SLC8A1: variants seen among roughly 807,000 people sequenced by gnomAD.
SLC8A1 encodes the protein sodium/calcium exchanger 1.
Under a neutral mutation model 68.3 loss-of-function variants are expected in SLC8A1, and 18 were observed. That is an observed-to-expected ratio of 0.26 (90% CI 0.18 to 0.39). The LOEUF is 0.39. SLC8A1 is among the 10% of genes least tolerant of loss of function. The probability of loss-of-function intolerance (pLI) is 1.00; values close to 1 mark genes in which losing one functional copy is unlikely to be tolerated. For missense variants in SLC8A1, 985 were observed against 1,156.7 expected, an observed-to-expected ratio of 0.85 and a Z score of 2.15; for synonymous variants, 475 against 415.5, an observed-to-expected ratio of 1.14 and a Z score of -1.74.
intron 5 of SLC8A1, among the ~76,000 whole-genome samples, chr2:40,162,257 T>C (rs567070872): frequency 5.5e-4 from 84 of 152,322 alleles, no homozygotes; most frequent in African/African-American, 2.0e-3. Flanking sequence ...CATCCATCTT[T>C]CTTTTCTCAA....
Position 40,344,097 on chromosome 2 carries a change from G to A in SLC8A1, c.1808+84376C>T, listed in dbSNP as rs992247916. Reference sequence around the variant, plus strand: ...GAGAGATGGTCAAGGAAAGCTTCCAGGGAAAATAAGTGAGGCCATAGAGAA... The same window carrying A: ...GAGAGATGGTCAAGGAAAGCTTCCAAGGAAAATAAGTGAGGCCATAGAGAA... On this transcript the variant is annotated intron_variant, in intron 2 of 7. Transcript: ENST00000406785. 2.0e-5 allele frequency among the ~76,000 whole-genome samples: 3 copies of A among 152,136 alleles called. No homozygotes were observed. In the East Asian group the frequency reaches 5.8e-4, roughly 29 times the overall value.
upstream of SLC8A1, among the ~76,000 whole-genome samples, chr2:40,454,684 G>C (rs576613689): frequency 1.4e-4 from 22 of 152,244 alleles, no homozygotes; most frequent in South Asian, 4.6e-3. Flanking sequence ...TTTTGGTTCA[G>C]TCAGTTTCTG....
chr2:40,340,928 A>G (rs1575540520), intron 2 of SLC8A1, among the ~76,000 whole-genome samples: 1 of 152,132 alleles, frequency 6.6e-6, no homozygotes, highest in Non-Finnish European at 1.5e-5. Context: ...TTCCTACACA[A>G]ATATACATTC....
chr2:40,127,905 C>A (rs545418557), intron 7 of SLC8A1, among the ~76,000 whole-genome samples: 4 of 152,100 alleles, frequency 2.6e-5, no homozygotes, highest in Admixed American at 1.3e-4. Context: ...TTATAAAATA[C>A]GGGCACTAAC....
intron 6 of SLC8A1, among the ~76,000 whole-genome samples, chr2:40,156,980 C>T (rs2044653418): frequency 6.6e-6 from 1 of 152,104 alleles, no homozygotes; most frequent in African/African-American, 2.4e-5. Context: ...CTGGTACTGC[C>T]CCTTAACAGT....
chr2:40,323,374 T>C (rs1031917112), intron 2 of SLC8A1, among the ~76,000 whole-genome samples: 2 of 152,310 alleles, frequency 1.3e-5, no homozygotes, highest in Middle Eastern at 6.8e-3. Flanking sequence ...GCAAATAGAA[T>C]TGTCATGTCT....
At chr2:40,192,666 T>C (rs1480126913) in intron 2 of SLC8A1, among the ~76,000 whole-genome samples, 2 of 152,142 alleles carry the variant, frequency 1.3e-5, no homozygotes, top group Non-Finnish European at 2.9e-5. Flanking sequence ...AGGAAACTCT[T>C]AGAAGATTAT....
intron 2 of SLC8A1, chr2:40,189,816 A>G (rs1388960824): frequency 6.6e-6 from 1 of 152,128 alleles, no homozygotes; most frequent in Non-Finnish European, 1.5e-5. Flanking sequence ...GCTCTTTTAG[A>G]GGCCAAAGTT....
chr2:40,246,520 C>T (rs2061886378), intron 2 of SLC8A1, among the ~76,000 whole-genome samples: 1 of 152,162 alleles, frequency 6.6e-6, no homozygotes, highest in Non-Finnish European at 1.5e-5. Flanking sequence ...AGCAGCTTAG[C>T]CAAACACTGT....
chr2:40,192,401 A>G (rs1449509113), intron 2 of SLC8A1, among the ~76,000 whole-genome samples: 1 of 152,136 alleles, frequency 6.6e-6, no homozygotes, highest in East Asian at 1.9e-4. Flanking sequence ...GCCTTTCAAA[A>G]TTGTAGCAGC....
exon 8 of SLC8A1, chr2:40,100,126 G>A (rs2033809380): frequency 6.6e-6 from 1 of 152,072 alleles, no homozygotes; most frequent in Non-Finnish European, 1.5e-5. Context: ...CACCACAAAG[G>A]ACACTGAAAG....
chr2:40,259,259 C>T (rs192496562), intron 2 of SLC8A1, among the ~76,000 whole-genome samples: 4 of 152,222 alleles, frequency 2.6e-5, no homozygotes, highest in Admixed American at 2.6e-4. Context: ...ATAATAGAAG[C>T]CTTCCATTAC....
At chr2:40,478,963 G>C (rs1704463579) in intron 1 of SLC8A1, among the ~76,000 whole-genome samples, 1 of 151,734 alleles carries the variant, frequency 6.6e-6, no homozygotes, top group Admixed American at 6.6e-5. Flanking sequence ...GTAGAGACGG[G>C]GTTTCACCAT....
chr2:40,455,314 T>C (rs1478724904), upstream of SLC8A1, among the ~76,000 whole-genome samples: 1 of 152,252 alleles, frequency 6.6e-6, no homozygotes, highest in Non-Finnish European at 1.5e-5. Context: ...GCACTCAATA[T>C]GTTTTCATCA....
chr2:40,223,037 T>C (rs752165453), intron 2 of SLC8A1, among the ~76,000 whole-genome samples: 2 of 152,222 alleles, frequency 1.3e-5, no homozygotes, highest in Non-Finnish European at 2.9e-5. Flanking sequence ...CAAAGGATTA[T>C]AAATCATGCT....
chr2:40,340,468 G>A (rs1005990527), intron 2 of SLC8A1, among the ~76,000 whole-genome samples: 1 of 152,176 alleles, frequency 6.6e-6, no homozygotes, highest in Admixed American at 6.5e-5. Context: ...GGCTGAGGCA[G>A]GAGAATCACT....
At chr2:40,357,511 A>AAAC (rs1276201631) in intron 2 of SLC8A1, among the ~76,000 whole-genome samples, 1 of 151,350 alleles carries the variant, frequency 6.6e-6, no homozygotes, top group Non-Finnish European at 1.5e-5. Flanking sequence ...AAAAAAAAAA[A>AAAC]AAAAAACACA....
chr2:40,361,606 A>T (rs1457854644), intron 2 of SLC8A1, among the ~76,000 whole-genome samples: 1 of 151,970 alleles, frequency 6.6e-6, no homozygotes, highest in Non-Finnish European at 1.5e-5. Flanking sequence ...ACTCATTATG[A>T]GGTGGTCTAA....
At chr2:40,198,997 A>G (rs1455538264) in intron 2 of SLC8A1, among the ~76,000 whole-genome samples, 1 of 151,736 alleles carries the variant, frequency 6.6e-6, no homozygotes, top group African/African-American at 2.4e-5. Flanking sequence ...TGAATGTTCT[A>G]TTGTAAGCTT....
Sources: gnomAD v4.1 joint callset for allele counts (sites outside exome capture counted in the v4.1 genomes callset) on GRCh38, gnomAD v4.1.1 for gene constraint, MANE v1.5 for transcripts, NCBI Gene and HGNC (gene_info 2026-07-23, HGNC 2026-07-21) for gene names.